Variants in ANK2 observed in about 807,000 individuals in gnomAD.
ANK2 encodes the protein ankyrin 2.
A neutral mutation model predicts 360.5 loss-of-function variants in ANK2; 83 were observed. The observed-to-expected ratio is 0.23, with a 90% CI of 0.19 to 0.28. ANK2 has a LOEUF of 0.28. Ranked by LOEUF, ANK2 falls within the 10% of genes least tolerant of loss-of-function variation. The pLI, the probability that ANK2 is intolerant of heterozygous loss-of-function variation, is 1.00. For synonymous variants in ANK2, 1,740 were observed against 1,759.5 expected (o/e 0.99, Z 0.28); for missense variants, 4,201 against 4,795.7 (o/e 0.88, Z 3.66).
the ANK2 span, among the ~76,000 whole-genome samples, chr4:112,706,022 C>T: frequency 6.6e-6 from 1 of 151,254 alleles, no homozygotes; most frequent in Admixed American, 6.6e-5. Flanking sequence ...CGGGGCGGGT[C>T]CGCGGGGCGC....
the ANK2 span, among the ~76,000 whole-genome samples, chr4:112,717,372 A>C: frequency 6.6e-6 from 1 of 152,180 alleles, no homozygotes; most frequent in Non-Finnish European, 1.5e-5. Flanking sequence ...CTCTTCTGCT[A>C]TCTGTCTGCA....
the ANK2 span, among the ~76,000 whole-genome samples, chr4:112,731,277 G>A: frequency 2.4e-5 from 3 of 124,036 alleles, no homozygotes; most frequent in African/African-American, 9.2e-5. Context: ...GCCTGGGCAA[G>A]AGCAAGATGT....
At chr4:113,255,626 C>T in intron 10 of ANK2, 109 bp from the exon 11 acceptor site, 3 of 1,085,740 alleles carry the variant, frequency 2.8e-6, no homozygotes, top group Non-Finnish European at 4.1e-6. Context: ...ATTATTTTTT[C>T]CCCTGCCACT....
intron 1 of ANK2, among the ~76,000 whole-genome samples, chr4:112,828,301 C>T (rs923850285): frequency 5.5e-5 from 7 of 128,106 alleles, no homozygotes; most frequent in Non-Finnish European, 1.1e-4. Flanking sequence ...GTGGTATAAT[C>T]TTGGCTCACT....
chr4:112,745,940 C>T, the ANK2 span, among the ~76,000 whole-genome samples: 3 of 152,206 alleles, frequency 2.0e-5, no homozygotes, highest in African/African-American at 7.2e-5. Context: ...TCTCTGATAA[C>T]CATTTTTCAT....
rs180989225 is a variant in ANK2 at position 113,284,733 on chromosome 4, G to A, written c.2079+1861G>A. ...AACACATAGTATGTTTATCACTAGA[G>A]TAAAACTTTAGTAAGTTTACACAGA... On this transcript the variant is annotated intron_variant, in intron 18 of 45. Coordinates refer to ENST00000357077, the MANE Select transcript of ANK2 (RefSeq NM_001148.6). Among the ~76,000 whole-genome samples the A allele has an allele frequency of 3.9e-5, 6 of 152,114 alleles. No homozygotes were observed. The East Asian group carries it at 1.2e-3, about 29-fold the overall frequency.
chr4:113,292,443 G>A lies in ANK2; in HGVS notation c.2305G>A (p.Ala769Thr), dbSNP rs1407585494. The A allele has an allele frequency of 1.2e-6, 2 of 1,611,060 alleles. No homozygotes were observed. The highest frequency in any genetic ancestry group is 1.7e-6 in the Non-Finnish European group (2 of 1,178,684). Residue 769 changes from alanine to threonine, a missense_variant, in exon 21 of 46, where the codon GCT (alanine) becomes ACT (threonine). By Grantham distance (58) the Ala-to-Thr change is moderately conservative. Transcript: ENST00000357077. Reference sequence around the variant, plus strand: ...CGGCTACACGCCTTTGCACCAGGCCGCTCAGCAGGGTCACACGCACATCAT... The same window carrying A: ...CGGCTACACGCCTTTGCACCAGGCCACTCAGCAGGGTCACACGCACATCAT... Reference protein sequence around the residue: ...KNGYTPLHQAAQQGHTHIINV... With the variant: ...KNGYTPLHQATQQGHTHIINV...
At chr4:112,813,253 T>TAAAAAAAAAAAAAAAAAAAAA (rs2055432757), upstream of ANK2, among the ~76,000 whole-genome samples, 1 of 108,862 alleles carries the variant, frequency 9.2e-6, no homozygotes, top group Non-Finnish European at 2.0e-5. Flanking sequence ...AAAAAAAAAA[T>TAAAAAAAAAAAAAAAAAAAAA]CAAAAAAAAA....
chr4:112,863,813 C>T (rs1021813924), intron 1 of ANK2, among the ~76,000 whole-genome samples: 47 of 152,082 alleles, frequency 3.1e-4, no homozygotes, highest in South Asian at 4.1e-4. Context: ...TGAGCCACCG[C>T]GCCCGGCCTA....
chr4:113,245,776 A>T lies in ANK2; in HGVS notation c.891+3567A>T, dbSNP rs370605848. Among the ~76,000 whole-genome samples, 870 of 152,264 alleles carry T rather than the reference A, an allele frequency of 5.7e-3. 8 individuals are homozygous for T. Among genetic ancestry groups the T allele is most frequent in the African/African-American group, 0.02 (824 of 41,548 alleles). ...TTAATTTGGTTTTGACTATATTTTT[A>T]GAGAATATAATAAAGCTTCTACATA... On this transcript the variant is annotated intron_variant, in intron 9 of 45. Coordinates refer to ENST00000357077, the MANE Select transcript of ANK2 (RefSeq NM_001148.6).
chr4:113,224,179 A>G (rs2099187152), intron 4 of ANK2, among the ~76,000 whole-genome samples: 1 of 152,210 alleles, frequency 6.6e-6, no homozygotes, highest in Non-Finnish European at 1.5e-5. Flanking sequence ...CCTCCATTCA[A>G]GAGGAGGGAA....
intron 23 of ANK2, among the ~76,000 whole-genome samples, chr4:113,308,429 G>A (rs1367440496): frequency 6.6e-6 from 1 of 152,146 alleles, no homozygotes; most frequent in Non-Finnish European, 1.5e-5. Flanking sequence ...CATGAGAGAG[G>A]TCTGGGACCA....
At chr4:112,933,371 A>G (rs955039071) in intron 2 of ANK2, among the ~76,000 whole-genome samples, 1 of 152,230 alleles carries the variant, frequency 6.6e-6, no homozygotes, top group Non-Finnish European at 1.5e-5. Context: ...AACCAGAGGT[A>G]GATATTCTGG....
chr4:113,002,591 T>C (rs1024094411), intron 2 of ANK2, among the ~76,000 whole-genome samples: 6 of 152,264 alleles, frequency 3.9e-5, no homozygotes, highest in Non-Finnish European at 8.8e-5. Context: ...AGGGATAGCT[T>C]ATCCATTTCT....
the ANK2 span, among the ~76,000 whole-genome samples, chr4:112,778,496 A>G: frequency 3.0e-4 from 46 of 152,284 alleles, no homozygotes; most frequent in African/African-American, 1.0e-3. Flanking sequence ...CTAATTAACT[A>G]TCATTTGAAC....
intron 2 of ANK2, among the ~76,000 whole-genome samples, chr4:113,028,776 G>C (rs2059787206): frequency 6.6e-6 from 1 of 152,050 alleles, no homozygotes; most frequent in African/African-American, 2.4e-5. Flanking sequence ...TTTTATCTGA[G>C]ACAACAAAAA....
intron 1 of ANK2, among the ~76,000 whole-genome samples, chr4:112,825,746 T>C (rs1326099380): frequency 6.6e-6 from 1 of 152,230 alleles, no homozygotes; most frequent in East Asian, 1.9e-4. Flanking sequence ...CAGGTAAATT[T>C]GTACATTTTT....
intron 1 of ANK2, among the ~76,000 whole-genome samples, chr4:113,137,466 G>A (rs555941786): frequency 2.6e-5 from 4 of 152,314 alleles, no homozygotes; most frequent in African/African-American, 4.8e-5. Flanking sequence ...GCAGGTTTGA[G>A]TAGGGCATTG....
intron 1 of ANK2, among the ~76,000 whole-genome samples, chr4:113,071,221 C>G (rs1170836636): frequency 3.3e-5 from 5 of 152,072 alleles, no homozygotes. Context: ...AAGTTTAGAC[C>G]CGATGCCTTT....
Sources: allele counts gnomAD v4.1 joint callset (sites outside exome capture counted in the v4.1 genomes callset), GRCh38; gene constraint gnomAD v4.1.1; transcripts MANE v1.5; gene names NCBI Gene and HGNC (gene_info 2026-07-23, HGNC 2026-07-21).